CDH26: variants seen among roughly 807,000 people sequenced by gnomAD.
The protein encoded by CDH26 is cadherin 26, also known as cadherin-like protein 26.
In CDH26, 83 loss-of-function variants were observed where a neutral mutation model predicts 90.3. The observed-to-expected ratio is 0.92, with a 90% CI of 0.77 to 1.10. The LOEUF is 1.10. CDH26 is among the 50% of genes least tolerant of loss of function. The pLI, the probability that CDH26 is intolerant of heterozygous loss-of-function variation, is 0.00. For synonymous variants in CDH26, 397 were observed against 396.3 expected, an observed-to-expected ratio of 1.00 and a Z score of -0.02; for missense variants, 1,013 against 1,037.6, an observed-to-expected ratio of 0.98 and a Z score of 0.33.
chr20:60,016,516 C>T (rs148467429), downstream of CDH26, among the ~76,000 whole-genome samples: 43 of 152,184 alleles, frequency 2.8e-4, no homozygotes, highest in African/African-American at 9.9e-4. Flanking sequence ...TTTTTGGTAG[C>T]ATCTTTAGGT....
chr20:59,983,348 T>C (rs2061417172), intron 5 of CDH26, among the ~76,000 whole-genome samples: 1 of 152,218 alleles, frequency 6.6e-6, no homozygotes, highest in Non-Finnish European at 1.5e-5. Flanking sequence ...GAGAAAGAGC[T>C]GGGTGATGAG....
intron 7 of CDH26, among the ~76,000 whole-genome samples, chr20:59,986,832 A>T (rs2061464999): frequency 6.6e-6 from 1 of 151,980 alleles, no homozygotes; most frequent in South Asian, 2.1e-4. Flanking sequence ...AATGTTTGCA[A>T]ACCAAAGCAC....
chr20:60,033,163 A>C (rs1182828970), intron 8 of CDH26, among the ~76,000 whole-genome samples: 3 of 152,206 alleles, frequency 2.0e-5, no homozygotes, highest in Non-Finnish European at 4.4e-5. Flanking sequence ...AGCTTGATTA[A>C]GTGTATTCAA....
intron 15 of CDH26, among the ~76,000 whole-genome samples, chr20:60,002,006 A>C (rs2061682726): frequency 6.6e-6 from 1 of 152,232 alleles, no homozygotes; most frequent in Non-Finnish European, 1.5e-5. Flanking sequence ...CAACACTGTG[A>C]GTACAGTTCT....
chr20:59,982,256 T>C (rs191801055), intron 4 of CDH26, among the ~76,000 whole-genome samples: 39 of 152,334 alleles, frequency 2.6e-4, no homozygotes, highest in East Asian at 7.7e-4. Flanking sequence ...CTCTATTGTT[T>C]TGTTGTTTTC....
rs147129270 is a variant in CDH26 at position 59,968,258 on chromosome 20, C to T, written c.70-709C>T. 7.3e-3 allele frequency among the ~76,000 whole-genome samples: 1,109 copies of T among 151,718 alleles called. 20 individuals carry two copies. The highest frequency in any genetic ancestry group is 0.025 in the African/African-American group (1,046 of 41,306). Reference sequence around the variant, plus strand: ...GATTACAGGCGCGTGCCACCATGGCCGGCTAATTTTTGTATTTTCAGTAGA... The same window carrying T: ...GATTACAGGCGCGTGCCACCATGGCTGGCTAATTTTTGTATTTTCAGTAGA... On this transcript the variant is annotated intron_variant, in intron 1 of 17. Coordinates refer to ENST00000348616, the MANE Select transcript of CDH26 (RefSeq NM_177980.4).
intron 1 of CDH26, among the ~76,000 whole-genome samples, chr20:59,962,207 A>G (rs2145965878): frequency 6.6e-6 from 1 of 152,324 alleles, no homozygotes; most frequent in Admixed American, 6.5e-5. Flanking sequence ...AGATCACTCA[A>G]GCCTCTGTGC....
chr20:60,020,619 G>A (rs2061944718), intron 7 of CDH26, among the ~76,000 whole-genome samples: 1 of 152,186 alleles, frequency 6.6e-6, no homozygotes, highest in African/African-American at 2.4e-5. Flanking sequence ...TGCTGTAGAG[G>A]TACAGTTGCG....
At chr20:60,016,448 A>C (rs926893678), downstream of CDH26, among the ~76,000 whole-genome samples, 1 of 152,082 alleles carries the variant, frequency 6.6e-6, no homozygotes, top group Non-Finnish European at 1.5e-5. Context: ...CTACTGATTT[A>C]TGTATGTTGA....
In CDH26 at chr20:59,996,770, AT is replaced by A. The variant is rs765713226; in HGVS notation, c.2019+10del. The A allele has an allele frequency of 6.2e-7, 1 of 1,614,238 alleles. No individual in the cohort carries two copies. The highest frequency in any genetic ancestry group is 1.1e-5 in the South Asian group (1 of 91,086). On this transcript the variant is annotated intron_variant, in intron 13 of 17. Coordinates refer to ENST00000348616, the MANE Select transcript of CDH26 (RefSeq NM_177980.4). The stretch of plus-strand genomic sequence containing the variant: ...AAGGCACTTCAGCCCAGGTAGTGGA[AT>A]GTCATGCTTTGTGTCTTATGGCAAG...
intron 13 of CDH26, among the ~76,000 whole-genome samples, chr20:59,997,599 A>G (rs1269579051): frequency 6.6e-6 from 1 of 152,268 alleles, no homozygotes; most frequent in African/African-American, 2.4e-5. Flanking sequence ...GGGGTTAGAC[A>G]GACAAAGAGA....
At chr20:60,012,090 G>A (rs2061851524) in intron 17 of CDH26, among the ~76,000 whole-genome samples, 1 of 152,084 alleles carries the variant, frequency 6.6e-6, no homozygotes, top group African/African-American at 2.4e-5. Flanking sequence ...ATAGACCTGA[G>A]CACATTTGTG....
chr20:59,986,349 T>C (rs2061458456), intron 7 of CDH26, among the ~76,000 whole-genome samples: 1 of 152,234 alleles, frequency 6.6e-6, no homozygotes, highest in Non-Finnish European at 1.5e-5. Flanking sequence ...TGGTTTGGGA[T>C]GGGTGCCCCA....
chr20:59,987,516 C>G lies in CDH26; in HGVS notation c.901C>G (p.Arg301Gly), dbSNP rs11086690. 0.014 allele frequency: 22,082 copies of G among 1,613,710 alleles called. 178 individuals are homozygous for G. The highest frequency in any genetic ancestry group is 0.018 in the Middle Eastern group (109 of 6,058). ...QGVLRLLVQD[R>G]DSPFTSAWRA... ...CGTGTTGCGTCTCCTGGTTCAAGAT[C>G]GAGATTCTCCATTTACATCAGCTTG... The change falls in exon 8 of 18, where the codon CGA (arginine) becomes GGA (glycine). Residue 301 changes from arginine (R) to glycine (G), a missense_variant. Arg to Gly is a moderately radical substitution (Grantham distance 125). Coordinates refer to ENST00000348616, the MANE Select transcript of CDH26 (RefSeq NM_177980.4).
At chr20:59,981,144 T>C (rs745378782) in intron 4 of CDH26, among the ~76,000 whole-genome samples, 2 of 152,184 alleles carry the variant, frequency 1.3e-5, no homozygotes, top group Non-Finnish European at 2.9e-5. Context: ...ATTTTTATAA[T>C]AAATCTTGAA....
intron 7 of CDH26, among the ~76,000 whole-genome samples, chr20:60,020,611 C>G (rs2061944614): frequency 6.6e-6 from 1 of 152,166 alleles, no homozygotes; most frequent in Non-Finnish European, 1.5e-5. Context: ...AGCGCTGGTG[C>G]TGTAGAGGTA....
At chr20:59,971,336 C>A (rs191521241) in intron 3 of CDH26, among the ~76,000 whole-genome samples, 5 of 152,090 alleles carry the variant, frequency 3.3e-5, no homozygotes, top group Non-Finnish European at 7.4e-5. Flanking sequence ...AGATTTTTAA[C>A]GTGTCCTCAT....
intron 17 of CDH26, among the ~76,000 whole-genome samples, chr20:60,011,520 G>A (rs1268034551): frequency 6.6e-6 from 1 of 152,220 alleles, no homozygotes; most frequent in African/African-American, 2.4e-5. Context: ...AGGGGTCAGT[G>A]AACTTCCTAT....
chr20:60,001,198 C>T (rs1003060545), intron 14 of CDH26, 145 bp from the exon 15 acceptor site: 22 of 896,608 alleles, frequency 2.5e-5, no homozygotes, highest in South Asian at 4.9e-5. Flanking sequence ...TTCCTCCCAC[C>T]GCGCCCTCCC....
Sources: allele counts gnomAD v4.1 joint callset (sites outside exome capture counted in the v4.1 genomes callset), GRCh38; gene constraint gnomAD v4.1.1; transcripts MANE v1.5; gene names NCBI Gene and HGNC (gene_info 2026-07-23, HGNC 2026-07-21).